The following DBF4B variants were observed in gnomAD, a reference collection of about 807,000 sequenced individuals.
DBF4B encodes DBF4B-CDC7 kinase regulatory subunit.
Under a neutral mutation model 53.4 loss-of-function variants are expected in DBF4B, and 49 were observed. The ratio of observed to expected loss-of-function variants is 0.92; its 90% CI spans 0.73 to 1.16. The LOEUF (loss-of-function observed/expected upper bound fraction) is 1.16. DBF4B is among the 50% of genes most tolerant of loss of function. The pLI is 0.00. For synonymous variants in DBF4B, 257 were observed against 288.7 expected (o/e 0.89, Z 1.11); for missense variants, 692 against 775.0 (o/e 0.89, Z 1.27).
At chr17:44,729,027 T>C (rs1201386196) in intron 3 of DBF4B, among the ~76,000 whole-genome samples, 1 of 150,346 alleles carries the variant, frequency 6.7e-6, no homozygotes, top group African/African-American at 2.5e-5. Flanking sequence ...ACCCGGGAGG[T>C]GGAGATTAGA....
At chr17:44,747,552 C>T (rs908564590) in intron 12 of DBF4B, 37 bp downstream of exon 12, 2 of 1,610,194 alleles carry the variant, frequency 1.2e-6, no homozygotes, top group African/African-American at 1.3e-5. Flanking sequence ...TGTGTCTGCT[C>T]TCTCCTCTGT....
chr17:44,749,020 A>T lies in DBF4B; in HGVS notation c.1189+555A>T. ...CCCAGGGCCTGAGGATTCTGAGTGT[A>T]CAGCCACTGGCCCTGTATCCCAGGA... On this transcript the variant is annotated intron_variant, in intron 13 of 13. Coordinates refer to ENST00000315005, the MANE Select transcript of DBF4B (RefSeq NM_145663.3). This position sits in a 1 kb window ranked among gnomAD's most constrained non-coding sequence, Gnocchi z 4.4. 1 of 1,289,822 alleles carries T rather than the reference A, an allele frequency of 7.8e-7. No homozygotes were observed. Among genetic ancestry groups the T allele is most frequent in the Non-Finnish European group, 1.0e-6 (1 of 988,852 alleles). The allele number at this position is 1,289,822 out of a possible 1,614,324, so 79.9% of individuals were successfully genotyped here. A position where few individuals can be genotyped will look rare whatever the true frequency, so the allele number is the denominator to read the frequency against.
intron 10 of DBF4B, among the ~76,000 whole-genome samples, chr17:44,745,202 G>A (rs1368040197): frequency 6.6e-6 from 1 of 152,114 alleles, no homozygotes; most frequent in Non-Finnish European, 1.5e-5. Flanking sequence ...AAAGTGCAGG[G>A]ATTATAAGTG....
chr17:44,746,162 G>T (rs1976574949), intron 10 of DBF4B, among the ~76,000 whole-genome samples: 2 of 151,542 alleles, frequency 1.3e-5, no homozygotes, highest in Admixed American at 1.3e-4. Flanking sequence ...AACCCAGGAG[G>T]TGGAGGTTGC....
At chr17:44,737,032 C>T (rs1975514826) in intron 8 of DBF4B, among the ~76,000 whole-genome samples, 166 bp downstream of exon 8, 2 of 152,138 alleles carry the variant, frequency 1.3e-5, no homozygotes, top group South Asian at 2.1e-4. Flanking sequence ...GTTTCTGGAG[C>T]GAGAGAGGCA....
intron 3 of DBF4B, among the ~76,000 whole-genome samples, chr17:44,727,696 CTATTTATT>C (rs1295645946): frequency 6.6e-6 from 1 of 151,974 alleles, no homozygotes; most frequent in Non-Finnish European, 1.5e-5. Context: ...AATTTATTTT[CTATTTATT>C]TATTTATTTT....
intron 10 of DBF4B, 91 bp downstream of exon 10, chr17:44,741,543 ATGTGTT>A: frequency 1.2e-6 from 1 of 817,238 alleles, no homozygotes; most frequent in Non-Finnish European, 2.0e-6. Flanking sequence ...GGGAATGGCC[ATGTGTT>A]TGCTCCTTAG....
At chr17:44,748,983 G>T in intron 13 of DBF4B, 1 of 1,289,840 alleles carries the variant, frequency 7.8e-7, no homozygotes, top group Non-Finnish European at 1.0e-6. Flanking sequence ...CCTGGCTGGG[G>T]AAAGGGTGGC....
At chr17:44,731,861 G>A (rs941370648) in intron 5 of DBF4B, 7 of 293,972 alleles carry the variant, frequency 2.4e-5, no homozygotes, top group Admixed American at 4.7e-5. Context: ...ACTGTGCTGA[G>A]AGCTTTCCTC....
At chr17:44,750,054 C>T (rs926756028) in intron 13 of DBF4B, 32 of 1,001,116 alleles carry the variant, frequency 3.2e-5, no homozygotes, top group Admixed American at 1.1e-4. Flanking sequence ...GGACCCCTCT[C>T]GCCCCTTCTC....
At position 44,736,868 on chromosome 17, in the gene DBF4B, T is replaced by C; in HGVS notation, c.667+2T>C. On this transcript the variant is annotated splice_donor_variant, in intron 8 of 13. Transcript: ENST00000315005. LOFTEE classifies it high-confidence loss of function. ...CAGCAGAGTCAAGAACACGGAAAGG[T>C]CAGTGTGGTAGCTTTTCCTCATCTA... is the stretch of plus-strand genomic sequence containing the variant. 1 of 1,613,914 alleles carries C rather than the reference T, an allele frequency of 6.2e-7. No homozygotes were observed. The highest frequency in any genetic ancestry group is 8.5e-7 in the Non-Finnish European group (1 of 1,179,926).
chr17:44,736,729 A>G, intron 7 of DBF4B, 101 bp from the exon 8 acceptor site: 6 of 1,336,946 alleles, frequency 4.5e-6, no homozygotes, highest in Non-Finnish European at 5.4e-6. Context: ...AACAGCAGGA[A>G]GCAAAGTGGG....
intron 7 of DBF4B, 106 bp downstream of exon 7, chr17:44,734,269 C>A: frequency 7.1e-7 from 1 of 1,402,754 alleles, no homozygotes; most frequent in Non-Finnish European, 1.0e-6. Flanking sequence ...CCTGGCCATT[C>A]TGAAAGATGG....
At chr17:44,750,317 A>T in intron 13 of DBF4B, 1 of 1,221,858 alleles carries the variant, frequency 8.2e-7, no homozygotes, top group Non-Finnish European at 1.0e-6. Flanking sequence ...GCATTTAAAG[A>T]GTTGTCTCTT....
intron 2 of DBF4B, among the ~76,000 whole-genome samples, chr17:44,713,567 T>C (rs1191920344): frequency 6.6e-6 from 1 of 151,992 alleles, no homozygotes; most frequent in East Asian, 1.9e-4. Flanking sequence ...GGAGAATCAC[T>C]TGAACCCGGG....
chr17:44,752,202 A>G lies in DBF4B; in HGVS notation c.*949A>G. ...TCGGGCCTCAGTTTCCTCGTCTTTA[A>G]GTAAGGGGCTTGGATGAGATGATTT... On this transcript the variant is annotated 3_prime_UTR_variant, in exon 14 of 14. Coordinates refer to ENST00000315005, the MANE Select transcript of DBF4B (RefSeq NM_145663.3). 1 of 559,788 alleles carries G rather than the reference A, an allele frequency of 1.8e-6. No homozygotes were observed. Among genetic ancestry groups the G allele is most frequent in the Non-Finnish European group, 3.2e-6 (1 of 311,512 alleles). The allele number at this position is 559,788 out of a possible 1,614,324, so 34.7% of individuals were successfully genotyped here. A position where few individuals can be genotyped will look rare whatever the true frequency, so the allele number is the denominator to read the frequency against.
In DBF4B at chr17:44,734,136, G is replaced by GA. The variant is rs1975119743; in HGVS notation, c.609dup (p.Gln204ThrfsTer33). The GA allele has an allele frequency of 2.5e-6, 4 of 1,614,164 alleles. 1 individual carries two copies. The South Asian group carries it at 3.3e-5, about 13-fold the overall frequency. On this transcript the variant is annotated frameshift_variant, in exon 7 of 14. Transcript: ENST00000315005. LOFTEE classifies it high-confidence loss of function. ...AGCTGTCTCTTGCGTCTTTATGTGT[G>GA]AAAAAACAACAGCCAAAGAAGCCAG...
rs895867735 is a variant in DBF4B, at chr17:44,752,101, A to G, written c.*848A>G. 5.7e-6 allele frequency: 6 copies of G among 1,054,236 alleles called. No individual in the cohort carries two copies. Among genetic ancestry groups the G allele is most frequent in the African/African-American group, 4.8e-5 (3 of 63,142 alleles). 65.3% of individuals were successfully genotyped at this position (1,054,236 alleles called of 1,614,324 possible). A position where few individuals can be genotyped will look rare whatever the true frequency, so the allele number is the denominator to read the frequency against. ...GTGACCGATTGGTAGCTCCACCCCA[A>G]CTCCCTTCTGCTGGGTGGAATGCAG... is the stretch of plus-strand genomic sequence containing the variant. On this transcript the variant is annotated 3_prime_UTR_variant, in exon 14 of 14. Coordinates refer to ENST00000315005, the MANE Select transcript of DBF4B (RefSeq NM_145663.3).
At chr17:44,738,470 A>AGAGGAGG (rs774191694) in intron 9 of DBF4B, 46 bp downstream of exon 9, 51 of 1,591,882 alleles carry the variant, frequency 3.2e-5, no homozygotes, top group Non-Finnish European at 4.3e-5. Context: ...AGGCCTGCAC[A>AGAGGAGG]GAGGAGGGAG....
Sources: gnomAD v4.1 joint callset for allele counts (sites outside exome capture counted in the v4.1 genomes callset) on GRCh38, gnomAD v4.1.1 for gene constraint, Gnocchi (gnomAD v3.1) non-coding constraint, MANE v1.5 for transcripts, NCBI Gene and HGNC (gene_info 2026-07-23, HGNC 2026-07-21) for gene names.